The following RBFOX1 variants were observed in gnomAD, a reference collection of about 807,000 sequenced individuals.
RBFOX1 encodes RNA binding protein fox-1 homolog 1.
Under a neutral mutation model 57.7 loss-of-function variants are expected in RBFOX1, and 8 were observed. The ratio of observed to expected loss-of-function variants is 0.14; its 90% CI spans 0.08 to 0.25. The LOEUF (loss-of-function observed/expected upper bound fraction) is 0.25. RBFOX1 is among the 10% of genes least tolerant of loss of function. The pLI is 1.00. For missense variants in RBFOX1, 611 were observed against 548.5 expected, an observed-to-expected ratio of 1.11 and a Z score of -1.14; for synonymous variants, 326 against 222.4, an observed-to-expected ratio of 1.47 and a Z score of -4.15.
intron 3 of RBFOX1, among the ~76,000 whole-genome samples, chr16:6,790,152 C>T (rs970758686): frequency 8.1e-6 from 1 of 123,782 alleles, no homozygotes. Flanking sequence ...CTCTTAGATT[C>T]TGGATTTTAT....
chr16:7,236,705 A>G (rs371837653), intron 4 of RBFOX1, among the ~76,000 whole-genome samples: 1 of 151,556 alleles, frequency 6.6e-6, no homozygotes, highest in African/African-American at 2.4e-5. Flanking sequence ...TTTTTTTTTA[A>G]TTTCTAAGCC....
At chr16:6,565,235 T>C (rs557474970) in intron 2 of RBFOX1, among the ~76,000 whole-genome samples, 1 of 150,362 alleles carries the variant, frequency 6.7e-6, no homozygotes, top group Non-Finnish European at 1.5e-5. Context: ...GGCCCCCAAA[T>C]GTGAAATGAC....
intron 3 of RBFOX1, among the ~76,000 whole-genome samples, chr16:6,806,834 A>T (rs1364899721): frequency 2.7e-4 from 20 of 74,176 alleles, no homozygotes; most frequent in East Asian, 1.4e-3. Flanking sequence ...ATATATATAT[A>T]TATTTTTTTT....
At chr16:6,283,885 G>A (rs755808389) in intron 1 of RBFOX1, among the ~76,000 whole-genome samples, 116 of 152,264 alleles carry the variant, frequency 7.6e-4, no homozygotes, top group Non-Finnish European at 1.0e-3. Context: ...CTTGCCTCAC[G>A]CTAAACCGAC....
rs913771007 is a variant in RBFOX1, at chr16:5,947,500, T to C, written c.351+80165T>C. On this transcript the variant is annotated intron_variant, in intron 4 of 19. Transcript: ENST00000641259. The surrounding 1 kb of genome is among the most constrained non-coding windows in gnomAD (Gnocchi z 7.2). ...TTCCTGCCTCTGCCAGTTTTTAAAATTTTTAGAGACAGGGGTCTCTGTATG... is the reference window on the plus strand; with the variant it reads ...TTCCTGCCTCTGCCAGTTTTTAAAACTTTTAGAGACAGGGGTCTCTGTATG... 9.2e-5 allele frequency among the ~76,000 whole-genome samples: 14 copies of C among 152,154 alleles called. No individual in the cohort carries two copies. The highest frequency in any genetic ancestry group is 6.5e-5 in the Admixed American group (1 of 15,280).
At chr16:6,617,269 G>C (rs576183832) in intron 2 of RBFOX1, among the ~76,000 whole-genome samples, 2 of 151,916 alleles carry the variant, frequency 1.3e-5, no homozygotes, top group African/African-American at 4.8e-5. Flanking sequence ...ATTGTCTAGA[G>C]TGTGAAGGAA....
intron 2 of RBFOX1, among the ~76,000 whole-genome samples, chr16:5,566,726 A>T (rs1030996620): frequency 6.6e-6 from 1 of 151,972 alleles, no homozygotes; most frequent in African/African-American, 2.4e-5. Flanking sequence ...ATATGGACAA[A>T]CTACCTAGAG....
chr16:7,270,079 G>C (rs1195491742), intron 4 of RBFOX1, among the ~76,000 whole-genome samples: 5 of 152,162 alleles, frequency 3.3e-5, no homozygotes, highest in Admixed American at 1.3e-4. Flanking sequence ...AGATACTACT[G>C]TCCTCATTTT....
chr16:5,983,600 A>C (rs1361738873), intron 4 of RBFOX1, among the ~76,000 whole-genome samples: 3 of 152,190 alleles, frequency 2.0e-5, no homozygotes, highest in Admixed American at 6.5e-5. Flanking sequence ...TCAGGTGCTC[A>C]GGAAGCGTGG....
chr16:7,234,962 C>T, intron 4 of RBFOX1, among the ~76,000 whole-genome samples: 1 of 151,984 alleles, frequency 6.6e-6, no homozygotes, highest in East Asian at 1.9e-4. Flanking sequence ...TAGCTTGGAT[C>T]CAAGAAATTT....
At chr16:6,935,141 C>G (rs1189733320) in intron 3 of RBFOX1, among the ~76,000 whole-genome samples, 2 of 152,070 alleles carry the variant, frequency 1.3e-5, no homozygotes, top group South Asian at 4.1e-4. Flanking sequence ...TTCGAGTGAC[C>G]TTGAGCTATA....
chr16:5,727,819 C>A (rs1375749035), intron 3 of RBFOX1, among the ~76,000 whole-genome samples: 1 of 152,184 alleles, frequency 6.6e-6, no homozygotes, highest in Middle Eastern at 3.2e-3. Context: ...TGCTGAGTAG[C>A]TGGGACTACA....
intron 1 of RBFOX1, among the ~76,000 whole-genome samples, chr16:6,188,980 G>T (rs1010315493): frequency 9.2e-5 from 14 of 152,168 alleles, no homozygotes; most frequent in Non-Finnish European, 1.8e-4. Flanking sequence ...GCAAGATGAA[G>T]CTAGTCAATT....
chr16:5,860,613 A>G (rs1219065445), intron 3 of RBFOX1, among the ~76,000 whole-genome samples: 1 of 152,210 alleles, frequency 6.6e-6, no homozygotes, highest in Non-Finnish European at 1.5e-5. Context: ...TAAGCTATGC[A>G]TGATAAGTTC....
chr16:5,393,654 T>G (rs2066473235), intron 1 of RBFOX1, among the ~76,000 whole-genome samples: 1 of 151,808 alleles, frequency 6.6e-6, no homozygotes, highest in African/African-American at 2.4e-5. Context: ...GTTGCTCTTT[T>G]CAAAAAAAGG....
chr16:6,557,026 C>CAT (rs2097109299), intron 2 of RBFOX1, among the ~76,000 whole-genome samples: 4 of 123,714 alleles, frequency 3.2e-5, no homozygotes, highest in African/African-American at 1.3e-4. Context: ...CATATATATA[C>CAT]ATATATACAC....
At chr16:6,185,442 T>G (rs1333170108) in intron 1 of RBFOX1, among the ~76,000 whole-genome samples, 2 of 152,322 alleles carry the variant, frequency 1.3e-5, no homozygotes, top group African/African-American at 4.8e-5. Context: ...AAACCGAAGT[T>G]CAGAGGGGTT....
At chr16:5,784,022 G>A (rs1369877183) in intron 3 of RBFOX1, among the ~76,000 whole-genome samples, 1 of 152,172 alleles carries the variant, frequency 6.6e-6, no homozygotes, top group Non-Finnish European at 1.5e-5. Flanking sequence ...ATAAATAAAA[G>A]AGGTTTAATT....
At chr16:5,816,344 T>C (rs566835914) in intron 3 of RBFOX1, among the ~76,000 whole-genome samples, 1 of 152,162 alleles carries the variant, frequency 6.6e-6, no homozygotes, top group Non-Finnish European at 1.5e-5. Flanking sequence ...CCAGGTACTT[T>C]GGATTCTTAC....
Sources: gnomAD v4.1 joint callset for allele counts (sites outside exome capture counted in the v4.1 genomes callset) on GRCh38, gnomAD v4.1.1 for gene constraint, Gnocchi (gnomAD v3.1) non-coding constraint, MANE v1.5 for transcripts, NCBI Gene and HGNC (gene_info 2026-07-23, HGNC 2026-07-21) for gene names.